The following CEP57L1 variants were observed in gnomAD, a reference collection of about 807,000 sequenced individuals.
The protein encoded by CEP57L1 is centrosomal protein CEP57L1.
A neutral mutation model predicts 61.0 loss-of-function variants in CEP57L1; 37 were observed. That is an observed-to-expected ratio of 0.61 (90% CI 0.47 to 0.80). The LOEUF (loss-of-function observed/expected upper bound fraction) is 0.80, where lower values mean the gene tolerates loss of function less well. Among genes scored for constraint, CEP57L1 ranks in the 30% least tolerant of loss-of-function variants. CEP57L1 has a pLI of 0.00. For synonymous variants in CEP57L1, 137 were observed against 162.3 expected (o/e 0.84, Z 1.19); for missense variants, 422 against 524.7 (o/e 0.80, Z 1.91).
intron 1 of CEP57L1, among the ~76,000 whole-genome samples, chr6:109,105,686 G>C (rs1336023117): frequency 6.6e-6 from 1 of 152,050 alleles, no homozygotes; most frequent in African/African-American, 2.4e-5. Context: ...TATAGTTTCT[G>C]ATGCTATAGT....
Position 109,165,762 on chromosome 6 carries a change from A to G in CEP57L1, c.*2792A>G, listed in dbSNP as rs999583184. 1.3e-5 allele frequency: 2 copies of G among 152,226 alleles called. No homozygotes were observed. The highest frequency in any genetic ancestry group is 1.9e-4 in the East Asian group (1 of 5,196). 9.4% of individuals were successfully genotyped at this position (152,226 alleles called of 1,614,324 possible). ...TGAACTCACAGACTGCCTGCTTGCCAGAGCCTTTGACTCCTCAGGGGGTGG... is the reference window on the plus strand; with the variant it reads ...TGAACTCACAGACTGCCTGCTTGCCGGAGCCTTTGACTCCTCAGGGGGTGG... On this transcript the variant is annotated 3_prime_UTR_variant, in exon 11 of 11. Coordinates refer to ENST00000517392, the MANE Select transcript of CEP57L1 (RefSeq NM_001271852.3).
chr6:109,152,169 A>G (rs1219188006), intron 4 of CEP57L1, among the ~76,000 whole-genome samples: 1 of 151,958 alleles, frequency 6.6e-6, no homozygotes, highest in Non-Finnish European at 1.5e-5. Flanking sequence ...GTTTTAATTA[A>G]TAGACTTTTA....
chr6:109,127,895 T>C (rs943613237), intron 1 of CEP57L1, among the ~76,000 whole-genome samples: 16 of 152,082 alleles, frequency 1.1e-4, no homozygotes, highest in African/African-American at 3.9e-4. Context: ...CCCAAAGTGC[T>C]GGGATTACAG....
rs1383495497 is a variant in CEP57L1 at position 109,163,621 on chromosome 6, C to T, written c.*651C>T. On this transcript the variant is annotated 3_prime_UTR_variant, in exon 11 of 11. Coordinates refer to ENST00000517392, the MANE Select transcript of CEP57L1 (RefSeq NM_001271852.3). ...TAGTTTTTTTTAAAAAATCAATGAT[C>T]AATTTTATCTTACTACTTTATAACT... 1 of 152,002 alleles carries T rather than the reference C, an allele frequency of 6.6e-6. No individual in the cohort carries two copies. The highest frequency in any genetic ancestry group is 2.1e-4 in the South Asian group (1 of 4,832). The allele number at this position is 152,002 out of a possible 1,614,324, so 9.4% of individuals were successfully genotyped here. A position where few individuals can be genotyped will look rare whatever the true frequency, so the allele number is the denominator to read the frequency against.
chr6:109,112,651 G>A (rs1303525161), intron 1 of CEP57L1, among the ~76,000 whole-genome samples: 1 of 152,078 alleles, frequency 6.6e-6, no homozygotes, highest in Non-Finnish European at 1.5e-5. Context: ...GGCATTTAGT[G>A]CTATACATTT....
At chr6:109,116,137 A>ATGTGTTG in intron 1 of CEP57L1, among the ~76,000 whole-genome samples, 1 of 114,098 alleles carries the variant, frequency 8.8e-6, no homozygotes, top group African/African-American at 3.7e-5. Flanking sequence ...GTGTTATGTT[A>ATGTGTTG]TGTTATGTTA....
At chr6:109,111,464 G>A (rs1562505265) in intron 1 of CEP57L1, among the ~76,000 whole-genome samples, 1 of 152,194 alleles carries the variant, frequency 6.6e-6, no homozygotes, top group Non-Finnish European at 1.5e-5. Flanking sequence ...CATGTCATCT[G>A]CAAACAGAGA....
intron 10 of CEP57L1, 66 bp downstream of exon 10, chr6:109,160,782 T>C: frequency 6.7e-7 from 1 of 1,481,620 alleles, no homozygotes; most frequent in South Asian, 1.4e-5. Context: ...GTTGTATCTC[T>C]GTATGACTTT....
Position 109,159,045 on chromosome 6 carries a change from A to T in CEP57L1, c.765A>T (p.Arg255Ser). ...KSSKKTKCIK[R>S]RPPWQICSKF... ...TCTAGAAAACTAAATGTATAAAGAG[A>T]CGACCACCTTGGCAAATTTGTTCAA... The change falls in exon 8 of 11, where the codon AGA becomes AGT. Residue 255 changes from arginine to serine, a missense_variant. By Grantham distance (110) the Arg-to-Ser change is moderately radical (BLOSUM62 -1). Transcript: ENST00000517392. 6.2e-7 allele frequency: 1 copy of T among 1,613,448 alleles called. No individual in the cohort carries two copies. The highest frequency in any genetic ancestry group is 8.5e-7 in the Non-Finnish European group (1 of 1,179,888).
intron 1 of CEP57L1, among the ~76,000 whole-genome samples, chr6:109,101,935 A>G (rs962503425): frequency 3.3e-5 from 5 of 152,072 alleles, no homozygotes; most frequent in African/African-American, 1.2e-4. Flanking sequence ...CTGTTTTTCA[A>G]AGCAGCAGTA....
intron 7 of CEP57L1, chr6:109,156,899 C>T (rs1337423049): frequency 6.6e-6 from 1 of 151,946 alleles, no homozygotes; most frequent in African/African-American, 2.4e-5. Context: ...CTTTCCTTTC[C>T]TAAATATTTG....
chr6:109,136,145 G>A (rs1173145767), intron 1 of CEP57L1, among the ~76,000 whole-genome samples: 1 of 152,180 alleles, frequency 6.6e-6, no homozygotes, highest in Non-Finnish European at 1.5e-5. Context: ...ATTCACAATA[G>A]CAAAGACTTA....
intron 9 of CEP57L1, among the ~76,000 whole-genome samples, chr6:109,159,911 T>G (rs1359124524): frequency 6.6e-6 from 1 of 152,192 alleles, no homozygotes; most frequent in Non-Finnish European, 1.5e-5. Context: ...GCTCTCCTTT[T>G]GTGTTTTAGA....
Position 109,145,325 on chromosome 6 carries a change from A to G in CEP57L1, c.104A>G (p.His35Arg). Residue 35 changes from histidine to arginine, a missense_variant, in exon 2 of 11, where the codon CAT (histidine) becomes CGT (arginine). By Grantham distance (29) the His-to-Arg change is conservative. Coordinates refer to ENST00000517392, the MANE Select transcript of CEP57L1 (RefSeq NM_001271852.3). ...FTQNEPSQNCHPANLEVTSPK... is the reference protein window; with the variant it reads ...FTQNEPSQNCRPANLEVTSPK... ...CAGAATGAACCATCTCAGAATTGCC[A>G]TCCTGCAAACTTAGAAGTTACCTCT... 2 of 1,612,024 alleles carry G rather than the reference A, an allele frequency of 1.2e-6. No individual in the cohort carries two copies. Among genetic ancestry groups the G allele is most frequent in the Non-Finnish European group, 1.7e-6 (2 of 1,178,622 alleles).
In CEP57L1 at chr6:109,095,542, G is replaced by T. The variant is rs762556246; in HGVS notation, c.-37G>T. On this transcript the variant is annotated 5_prime_UTR_variant, in exon 1 of 11. Coordinates refer to ENST00000517392, the MANE Select transcript of CEP57L1 (RefSeq NM_001271852.3). ...GTGGGTGCCCGCGAACCAACGGTTA[G>T]CGGTGGCAGGGGCTGACTGAGAGCG... The T allele has an allele frequency of 1.0e-6, 1 of 985,856 alleles. No individual in the cohort carries two copies. The highest frequency in any genetic ancestry group is 1.2e-6 in the Non-Finnish European group (1 of 829,946). The allele number at this position is 985,856 out of a possible 1,614,324, so 61.1% of individuals were successfully genotyped here. A position where few individuals can be genotyped will look rare whatever the true frequency, so the allele number is the denominator to read the frequency against.
At position 109,165,991 on chromosome 6, in the gene CEP57L1, G is replaced by GT. The variant is rs1774077191; in HGVS notation, c.*3022dup. ...AATTGGAATTTTCTAGCCAAGGCAGGTCTCAATTTTGATGAAACTGAAGCC... is the reference window on the plus strand; with the variant it reads ...AATTGGAATTTTCTAGCCAAGGCAGGTTCTCAATTTTGATGAAACTGAAGCC... On this transcript the variant is annotated 3_prime_UTR_variant, in exon 11 of 11. Transcript: ENST00000517392. The GT allele has an allele frequency of 6.6e-6, 1 of 152,228 alleles. No individual in the cohort carries two copies. 9.4% of individuals were successfully genotyped at this position (152,228 alleles called of 1,614,324 possible). A position where few individuals can be genotyped will look rare whatever the true frequency, so the allele number is the denominator to read the frequency against.
intron 1 of CEP57L1, among the ~76,000 whole-genome samples, chr6:109,133,674 T>C (rs1415475150): frequency 6.6e-6 from 1 of 151,948 alleles, no homozygotes. Flanking sequence ...CTAGCAAGAC[T>C]AATGAAGAAA....
At chr6:109,110,570 TTTTGGTG>T (rs1771485323) in intron 1 of CEP57L1, among the ~76,000 whole-genome samples, 1 of 152,196 alleles carries the variant, frequency 6.6e-6, no homozygotes, top group Non-Finnish European at 1.5e-5. Flanking sequence ...TTGCCATTGC[TTTTGGTG>T]TTTTAGTCAT....
At chr6:109,113,826 C>A (rs1401564888) in intron 1 of CEP57L1, among the ~76,000 whole-genome samples, 1 of 151,916 alleles carries the variant, frequency 6.6e-6, no homozygotes, top group Non-Finnish European at 1.5e-5. Flanking sequence ...GTTAAAAAGT[C>A]CAGTGTAATA....
Sources: allele counts gnomAD v4.1 joint callset (sites outside exome capture counted in the v4.1 genomes callset), GRCh38; gene constraint gnomAD v4.1.1; transcripts MANE v1.5; gene names NCBI Gene and HGNC (gene_info 2026-07-23, HGNC 2026-07-21).